ARRB1: variants seen among roughly 807,000 people sequenced by gnomAD.
The protein encoded by ARRB1 is beta-arrestin-1.
A neutral mutation model predicts 56.8 loss-of-function variants in ARRB1; 21 were observed. That is an observed-to-expected ratio of 0.37 (90% confidence interval 0.26 to 0.53). The LOEUF is 0.53. ARRB1 is among the 20% of genes least tolerant of loss of function. ARRB1 has a pLI of 0.88. For synonymous variants in ARRB1, 210 were observed against 218.6 expected (o/e 0.96, Z 0.35); for missense variants, 424 against 553.7 (o/e 0.77, Z 2.35).
intron 9 of ARRB1, 64 bp from the exon 10 acceptor site, chr11:75,276,975 G>GCATCC (rs1946214487): frequency 4.5e-6 from 6 of 1,323,922 alleles, no homozygotes; most frequent in Non-Finnish European, 5.4e-6. Flanking sequence ...AGTCTCACAG[G>GCATCC]CGTCCCCGGG....
At chr11:75,347,362 A>C (rs577679524) in intron 1 of ARRB1, among the ~76,000 whole-genome samples, 2 of 152,208 alleles carry the variant, frequency 1.3e-5, no homozygotes, top group African/African-American at 2.4e-5. Context: ...AATGACAGCC[A>C]AAGTTCACAG....
intron 4 of ARRB1, among the ~76,000 whole-genome samples, chr11:75,283,714 C>T (rs1440842462): frequency 6.6e-6 from 1 of 152,168 alleles, no homozygotes; most frequent in South Asian, 2.1e-4. Context: ...CAGCTCTGTC[C>T]TTCCCCCTCC....
At chr11:75,310,999 A>G (rs1311708796) in intron 1 of ARRB1, among the ~76,000 whole-genome samples, 3 of 152,130 alleles carry the variant, frequency 2.0e-5, no homozygotes, top group Admixed American at 6.6e-5. Context: ...CAGATGTCCA[A>G]ACCAATACCC....
At chr11:75,334,816 G>A (rs962870324) in intron 1 of ARRB1, among the ~76,000 whole-genome samples, 1 of 152,126 alleles carries the variant, frequency 6.6e-6, no homozygotes, top group South Asian at 2.1e-4. Context: ...TGTGGGATGA[G>A]AGCCCCCTGA....
chr11:75,316,392 G>C (rs1245530923), intron 1 of ARRB1, among the ~76,000 whole-genome samples: 2 of 152,088 alleles, frequency 1.3e-5, no homozygotes, highest in African/African-American at 2.4e-5. Context: ...GAGGTGATCG[G>C]CTTCGTTTTC....
At chr11:75,299,413 A>C (rs535330804) in intron 1 of ARRB1, among the ~76,000 whole-genome samples, 2 of 152,030 alleles carry the variant, frequency 1.3e-5, no homozygotes, top group Admixed American at 6.6e-5. Flanking sequence ...CCCTAACAAG[A>C]TATGTCTCAA....
rs1007581261 is a variant in ARRB1 at position 75,303,133 on chromosome 11, C to T, written c.21-13094G>A. Among the ~76,000 whole-genome samples, 6 of 152,066 alleles carry T rather than the reference C, an allele frequency of 3.9e-5. No homozygotes were observed. The East Asian group carries it at 1.2e-3, about 29-fold the overall frequency. ...TCTCCTGCCTCAGCCTCCAGAGTAG[C>T]TGGGATTACAGGTGCACACCACCAC... On this transcript the variant is annotated intron_variant, in intron 1 of 15. Coordinates refer to ENST00000420843, the MANE Select transcript of ARRB1 (RefSeq NM_004041.5).
intron 1 of ARRB1, among the ~76,000 whole-genome samples, chr11:75,345,597 AGGAG>A (rs2135003191): frequency 6.6e-6 from 1 of 152,212 alleles, no homozygotes; most frequent in East Asian, 1.9e-4. Flanking sequence ...CTCCAGTCTG[AGGAG>A]GGAGACATGG....
At position 75,283,175 on chromosome 11, in the gene ARRB1, GA is replaced by G. The variant is rs2140425801; in HGVS notation, c.354+111del. ...TGCCCCAGGTCCCAGCATACACTGG[GA>G]AACTGGGTGGCAGGGAGCAGCTGAC... On this transcript the variant is annotated intron_variant, in intron 5 of 15. Transcript: ENST00000420843. 5 of 1,156,224 alleles carry G rather than the reference GA, an allele frequency of 4.3e-6. No individual in the cohort carries two copies. In the South Asian group the frequency reaches 7.7e-5, roughly 18 times the overall value. 71.6% of individuals were successfully genotyped at this position (1,156,224 alleles called of 1,614,324 possible).
chr11:75,267,538 A>G (rs1945953116), intron 15 of ARRB1, 114 bp downstream of exon 15: 5 of 1,086,620 alleles, frequency 4.6e-6, no homozygotes, highest in African/African-American at 3.1e-5. Context: ...CTCTCAGCAG[A>G]CGGGGTTAGA....
intron 1 of ARRB1, among the ~76,000 whole-genome samples, chr11:75,319,279 C>G (rs2140493073): frequency 6.6e-6 from 1 of 152,286 alleles, no homozygotes; most frequent in East Asian, 1.9e-4. Flanking sequence ...AGGATCCTCC[C>G]CTTCCACTGC....
At chr11:75,334,298 G>A (rs1313822130) in intron 1 of ARRB1, among the ~76,000 whole-genome samples, 20 of 96,074 alleles carry the variant, frequency 2.1e-4, no homozygotes, top group African/African-American at 2.7e-4. Flanking sequence ...GCAAGACTCC[G>A]TCTCAAACAA....
chr11:75,283,516 T>C (rs924997911), intron 4 of ARRB1, 33 bp from the exon 5 acceptor site: 4 of 1,560,374 alleles, frequency 2.6e-6, no homozygotes, highest in Non-Finnish European at 3.5e-6. Context: ...AGGAGGGGCC[T>C]GGGAGAGCAG....
At position 75,293,869 on chromosome 11, in the gene ARRB1, G is replaced by A. The variant is rs58320160; in HGVS notation, c.21-3830C>T. ...CACTCTCTCTGCACCTCTCCTCCCG[G>A]GGCTTCATTTTCCCCCGGTTGCACT... On this transcript the variant is annotated intron_variant, in intron 1 of 15. Transcript: ENST00000420843. Among the ~76,000 whole-genome samples the A allele has an allele frequency of 9.8e-3, 1,493 of 152,224 alleles. 29 individuals are homozygous for A. The highest frequency in any genetic ancestry group is 0.032 in the African/African-American group (1,331 of 41,530).
intron 4 of ARRB1, 71 bp downstream of exon 4, chr11:75,284,164 T>C: frequency 6.8e-7 from 1 of 1,463,112 alleles, no homozygotes; most frequent in Non-Finnish European, 9.3e-7. Flanking sequence ...GGGCAGGGAG[T>C]TCCTATGCTA....
chr11:75,347,304 C>T (rs1357792962), intron 1 of ARRB1, among the ~76,000 whole-genome samples: 1 of 152,230 alleles, frequency 6.6e-6, no homozygotes, highest in African/African-American at 2.4e-5. Flanking sequence ...ACAGGACTTC[C>T]CCATGTTCCA....
intron 3 of ARRB1, among the ~76,000 whole-genome samples, chr11:75,285,987 A>G (rs1946459500): frequency 6.6e-6 from 1 of 152,212 alleles, no homozygotes; most frequent in Non-Finnish European, 1.5e-5. Context: ...AGGGACACTG[A>G]GCTTCAGAAG....
intron 1 of ARRB1, among the ~76,000 whole-genome samples, chr11:75,301,207 G>A (rs1946897387): frequency 6.6e-6 from 1 of 152,040 alleles, no homozygotes; most frequent in Non-Finnish European, 1.5e-5. Flanking sequence ...GGACACACAA[G>A]GTGCAGAAGG....
chr11:75,293,223 C>A (rs1946649661), intron 1 of ARRB1, among the ~76,000 whole-genome samples: 1 of 152,276 alleles, frequency 6.6e-6, no homozygotes, highest in South Asian at 2.1e-4. Flanking sequence ...TCCCCAAGAG[C>A]ATGCCATGCT....
Sources: gnomAD v4.1 joint callset for allele counts (sites outside exome capture counted in the v4.1 genomes callset) on GRCh38, gnomAD v4.1.1 for gene constraint, MANE v1.5 for transcripts, NCBI Gene and HGNC (gene_info 2026-07-23, HGNC 2026-07-21) for gene names.